ADSS1: variants seen among roughly 807,000 people sequenced by gnomAD.
The protein encoded by ADSS1 is adenylosuccinate synthetase isozyme 1.
A neutral mutation model predicts 59.1 loss-of-function variants in ADSS1; 57 were observed. That is an observed-to-expected ratio of 0.97 (90% CI 0.78 to 1.20). ADSS1 has a LOEUF of 1.20. Among genes scored for constraint, ADSS1 ranks in the 50% most tolerant of loss-of-function variants. The pLI is 0.00. For synonymous variants in ADSS1, 247 were observed against 249.4 expected (o/e 0.99, Z 0.09); for missense variants, 603 against 610.3 (o/e 0.99, Z 0.13).
At chr14:104,736,131 C>G (rs1182042864) in intron 2 of ADSS1, among the ~76,000 whole-genome samples, 1 of 152,230 alleles carries the variant, frequency 6.6e-6, no homozygotes, top group Non-Finnish European at 1.5e-5. Flanking sequence ...GTGACTCACC[C>G]AAGACCATCC....
chr14:104,738,950 C>A (rs958131961), intron 3 of ADSS1, among the ~76,000 whole-genome samples: 3 of 152,214 alleles, frequency 2.0e-5, no homozygotes, highest in Non-Finnish European at 4.4e-5. Flanking sequence ...GAATGTGATT[C>A]TGGGGACATG....
intron 1 of ADSS1, among the ~76,000 whole-genome samples, chr14:104,728,093 AG>A (rs1290731151): frequency 6.6e-6 from 1 of 152,172 alleles, no homozygotes; most frequent in Non-Finnish European, 1.5e-5. Flanking sequence ...TGGCAGCGCC[AG>A]GTGGGAGCTG....
chr14:104,745,192 C>A, intron 11 of ADSS1: 2 of 364,084 alleles, frequency 5.5e-6, no homozygotes, highest in Admixed American at 4.2e-5. Context: ...CCCTGGGGGA[C>A]CTTCAGCTGC....
chr14:104,736,902 A>ACATATATATATATATATATATATG (rs1566798280), intron 2 of ADSS1, among the ~76,000 whole-genome samples: 10 of 137,880 alleles, frequency 7.3e-5, no homozygotes, highest in African/African-American at 2.8e-4. Context: ...ATATATATAT[A>ACATATATATATATATATATATATG]TATATATATA....
intron 1 of ADSS1, among the ~76,000 whole-genome samples, chr14:104,727,510 G>C (rs79412486): frequency 0.016 from 2,368 of 152,170 alleles, 69 homozygotes; most frequent in African/African-American, 0.055. Flanking sequence ...CCTGCTCTGC[G>C]GCCACATCAC....
intron 1 of ADSS1, chr14:104,730,070 C>T (rs1811631220): frequency 9.6e-6 from 15 of 1,562,390 alleles, no homozygotes; most frequent in East Asian, 2.4e-5. Context: ...CACCCCTCAC[C>T]TTCCCAGTGC....
chr14:104,741,034 A>G, intron 7 of ADSS1, 83 bp from the exon 8 acceptor site: 3 of 1,594,710 alleles, frequency 1.9e-6, no homozygotes, highest in Non-Finnish European at 2.6e-6. Flanking sequence ...AGGCATTGTT[A>G]TGGGCTGGCC....
chr14:104,730,058 C>G, intron 1 of ADSS1: 1 of 1,568,442 alleles, frequency 6.4e-7, no homozygotes, highest in South Asian at 1.2e-5. Context: ...GCCAGCTCAG[C>G]CCACCCCTCA....
At chr14:104,736,881 GATATATATATATATATATAT>G (rs57122419) in intron 2 of ADSS1, among the ~76,000 whole-genome samples, 23 of 106,600 alleles carry the variant, frequency 2.2e-4, no homozygotes, top group South Asian at 8.7e-4. Flanking sequence ...GCACCTAGCT[GATATATATATATATATATAT>G]ATATATATAT....
chr14:104,741,979 G>A lies in ADSS1; in HGVS notation c.925G>A (p.Ala309Thr). The change falls in exon 9 of 13, where the codon GCC (alanine) becomes ACC (threonine). Residue 309 changes from alanine to threonine, a missense_variant. Physicochemically the swap from Ala to Thr is moderately conservative, Grantham distance 58 (BLOSUM62 0). Transcript: ENST00000330877. The part of the protein sequence containing the change: ...KAYTTRVGIG[A>T]FPTEQINEIG... Reference sequence around the variant, plus strand: ...CTATACCACACGTGTGGGCATCGGGGCCTTCCCCACCGAGCAGATCAACGT... The same window carrying A: ...CTATACCACACGTGTGGGCATCGGGACCTTCCCCACCGAGCAGATCAACGT... The A allele has an allele frequency of 9.3e-6, 15 of 1,613,128 alleles. No homozygotes were observed. Among genetic ancestry groups the A allele is most frequent in the Non-Finnish European group, 1.3e-5 (15 of 1,179,964 alleles).
chr14:104,731,268 T>C (rs1890922835), intron 1 of ADSS1, among the ~76,000 whole-genome samples: 1 of 152,124 alleles, frequency 6.6e-6, no homozygotes, highest in African/African-American at 2.4e-5. Flanking sequence ...TGGCAAACAG[T>C]GGAAAGGTGG....
At chr14:104,737,712 C>T (rs1031343635) in intron 2 of ADSS1, 1 of 152,268 alleles carries the variant, frequency 6.6e-6, no homozygotes, top group Non-Finnish European at 1.5e-5. Flanking sequence ...TGGCGCCTCC[C>T]ATTCTACTTT....
chr14:104,745,826 C>A, intron 11 of ADSS1: 1 of 160,416 alleles, frequency 6.2e-6, no homozygotes, highest in South Asian at 1.9e-4. Flanking sequence ...CAGAGTCCTG[C>A]ACAGGGCCGG....
chr14:104,735,058 GAA>G lies in ADSS1; in HGVS notation c.233_234del (p.Lys78ArgfsTer33), dbSNP rs1175622794. The part of the protein sequence containing the change: ...NAGHTVVVDG[K>X]EYDFHLLPSG... ...CCGGCCACACGGTGGTGGTGGATGGGAAAGAGTACGACTTCCACCTGCTGCCC... is the reference window on the plus strand; with the variant it reads ...CCGGCCACACGGTGGTGGTGGATGGGAGAGTACGACTTCCACCTGCTGCCC... On this transcript the variant is annotated frameshift_variant, in exon 2 of 13. Coordinates refer to ENST00000330877, the MANE Select transcript of ADSS1 (RefSeq NM_152328.5). LOFTEE classifies it high-confidence loss of function. The G allele has an allele frequency of 4.3e-6, 7 of 1,613,682 alleles. No homozygotes were observed. The East Asian group carries it at 1.6e-4, about 36-fold the overall frequency.
rs934661590 is a variant in ADSS1 at position 104,724,811 on chromosome 14, C to T, written c.192+349C>T. The stretch of plus-strand genomic sequence containing the variant: ...GACCCTCCATGGGGGAACCAGAGGA[C>T]CCAGCCCCAGGATGGTTTGAGGACC... On this transcript the variant is annotated intron_variant, in intron 1 of 12. Coordinates refer to ENST00000330877, the MANE Select transcript of ADSS1 (RefSeq NM_152328.5). Among the ~76,000 whole-genome samples, 40 of 152,144 alleles carry T rather than the reference C, an allele frequency of 2.6e-4. 1 individual carries two copies. Among genetic ancestry groups the T allele is most frequent in the African/African-American group, 9.2e-4 (38 of 41,424 alleles).
rs1890653054 is a variant in ADSS1 at position 104,724,255 on chromosome 14, G to C, written c.-16G>C. On this transcript the variant is annotated 5_prime_UTR_variant, in exon 1 of 13. Transcript: ENST00000330877. ...GGCTCCTGGCCGGGCCAGCGCAGCG[G>C]AAGAGCCAAGCCAGCATGTCGGGGA... The C allele has an allele frequency of 8.2e-7, 1 of 1,226,076 alleles. No individual in the cohort carries two copies. The highest frequency in any genetic ancestry group is 1.0e-6 in the Non-Finnish European group (1 of 983,420). The allele number at this position is 1,226,076 out of a possible 1,614,324, so 75.9% of individuals were successfully genotyped here.
At chr14:104,738,100 G>T (rs932662031) in intron 2 of ADSS1, 2 of 282,292 alleles carry the variant, frequency 7.1e-6, no homozygotes, top group Admixed American at 9.9e-5. Flanking sequence ...AGGTTCAAGC[G>T]ATTCTCCTGC....
In ADSS1 at chr14:104,743,164, A is replaced by T; in HGVS notation, c.1046A>T (p.Tyr349Phe). Residue 349 changes from tyrosine (Y) to phenylalanine (F), a missense_variant, in exon 10 of 13, where the codon TAT becomes TTT. Coordinates refer to ENST00000330877, the MANE Select transcript of ADSS1 (RefSeq NM_152328.5). ...TGGCTCGACCTGATGATTCTAAGATATGCTCACATGGTCAACGGATTCACT... is the reference window on the plus strand; with the variant it reads ...TGGCTCGACCTGATGATTCTAAGATTTGCTCACATGGTCAACGGATTCACT... ...CGWLDLMILR[Y>F]AHMVNGFTAL... 6.2e-7 allele frequency: 1 copy of T among 1,612,124 alleles called. No individual in the cohort carries two copies. The highest frequency in any genetic ancestry group is 8.5e-7 in the Non-Finnish European group (1 of 1,179,994).
At chr14:104,742,054 G>C (rs1296458340) in intron 9 of ADSS1, 52 bp downstream of exon 9, 3 of 1,598,502 alleles carry the variant, frequency 1.9e-6, no homozygotes, top group Non-Finnish European at 8.5e-7. Context: ...GGCCAGGCAG[G>C]GGTGCCGGGG....
Sources: allele counts gnomAD v4.1 joint callset (sites outside exome capture counted in the v4.1 genomes callset), GRCh38; gene constraint gnomAD v4.1.1; transcripts MANE v1.5; gene names NCBI Gene and HGNC (gene_info 2026-07-23, HGNC 2026-07-21).